The following COL4A1 variants were observed in gnomAD, a reference collection of about 807,000 sequenced individuals.
COL4A1 encodes the protein collagen type IV alpha 1 chain.
Under a neutral mutation model 216.6 loss-of-function variants are expected in COL4A1, and 40 were observed. That is an observed-to-expected ratio of 0.18 (90% confidence interval 0.14 to 0.24). COL4A1 has a LOEUF of 0.24. Among genes scored for constraint, COL4A1 ranks in the 10% least tolerant of loss-of-function variants. The probability of loss-of-function intolerance (pLI) is 1.00; values close to 1 mark genes in which losing one functional copy is unlikely to be tolerated. For missense variants in COL4A1, 1,628 were observed against 2,196.8 expected (o/e 0.74, Z 5.18); for synonymous variants, 839 against 810.7 (o/e 1.03, Z -0.59).
chr13:110,159,152 G>A (rs2138425114), intron 49 of COL4A1, among the ~76,000 whole-genome samples: 1 of 152,260 alleles, frequency 6.6e-6, no homozygotes, highest in Non-Finnish European at 1.5e-5. Flanking sequence ...GAGGCTCCTG[G>A]GGCCTGAAAA....
intron 2 of COL4A1, among the ~76,000 whole-genome samples, chr13:110,232,655 G>T (rs1466964534): frequency 6.6e-6 from 1 of 152,092 alleles, no homozygotes; most frequent in Non-Finnish European, 1.5e-5. Flanking sequence ...TAAATAGTCG[G>T]GACAGAGGCT....
chr13:110,275,524 C>T (rs1187612830), intron 1 of COL4A1, among the ~76,000 whole-genome samples: 2 of 152,196 alleles, frequency 1.3e-5, no homozygotes, highest in African/African-American at 4.8e-5. Flanking sequence ...ACACACCACA[C>T]AATCCAGCAA....
intron 43 of COL4A1, among the ~76,000 whole-genome samples, chr13:110,167,623 TC>T (rs1487240717): frequency 1.3e-5 from 2 of 152,166 alleles, no homozygotes; most frequent in Non-Finnish European, 2.9e-5. Flanking sequence ...CTGAAAACTT[TC>T]CCCTTAATCC....
intron 24 of COL4A1, chr13:110,191,692 G>A (rs771112017): frequency 4.5e-6 from 3 of 668,060 alleles, no homozygotes; most frequent in African/African-American, 3.6e-5. Flanking sequence ...ACTGTAAGAA[G>A]AAGAATAAAA....
chr13:110,159,824 A>T (rs1410614968), intron 49 of COL4A1, among the ~76,000 whole-genome samples: 1 of 152,220 alleles, frequency 6.6e-6, no homozygotes, highest in African/African-American at 2.4e-5. Context: ...CCCTGAGGAC[A>T]TTATGCTGAG....
chr13:110,285,442 T>C (rs1300725252), intron 1 of COL4A1, among the ~76,000 whole-genome samples: 1 of 152,228 alleles, frequency 6.6e-6, no homozygotes, highest in South Asian at 2.1e-4. Context: ...TCTTCTGCAG[T>C]GGAAATACTA....
At chr13:110,251,219 G>T (rs971553170) in intron 1 of COL4A1, among the ~76,000 whole-genome samples, 6 of 152,200 alleles carry the variant, frequency 3.9e-5, no homozygotes, top group African/African-American at 1.4e-4. Flanking sequence ...ATCTTCCATG[G>T]CCTACTCCTT....
rs190238481 is a variant in COL4A1 at position 110,212,403 on chromosome 13, G to A, written c.387+14C>T. 4.9e-5 allele frequency: 79 copies of A among 1,613,070 alleles called. No individual in the cohort carries two copies. In the African/African-American group the frequency reaches 8.0e-4, roughly 16 times the overall value. ...AAACACACACAAAAAGGAGGGTCTC[G>A]GTTCTGGATTTACCTTTGTGCCATT... On this transcript the variant is annotated intron_variant, in intron 6 of 51. Coordinates refer to ENST00000375820, the MANE Select transcript of COL4A1 (RefSeq NM_001845.6).
At chr13:110,291,941 G>A (rs1884106294) in intron 1 of COL4A1, among the ~76,000 whole-genome samples, 3 of 152,194 alleles carry the variant, frequency 2.0e-5, no homozygotes, top group Admixed American at 1.3e-4. Flanking sequence ...CCCTGGAGGG[G>A]CATGGAGAAA....
intron 1 of COL4A1, among the ~76,000 whole-genome samples, chr13:110,271,711 C>G (rs1883251052): frequency 1.3e-5 from 2 of 152,152 alleles, no homozygotes; most frequent in South Asian, 4.1e-4. Flanking sequence ...GAGCCGAGAT[C>G]AGAGAAAGAC....
intron 1 of COL4A1, among the ~76,000 whole-genome samples, chr13:110,294,274 C>A (rs927165667): frequency 7.9e-5 from 12 of 152,220 alleles, no homozygotes; most frequent in African/African-American, 2.4e-4. Context: ...CCCCTTCACA[C>A]AGGGTCCGGC....
intron 1 of COL4A1, among the ~76,000 whole-genome samples, chr13:110,251,393 G>A (rs1882066344): frequency 6.6e-6 from 1 of 152,252 alleles, no homozygotes; most frequent in Admixed American, 6.5e-5. Flanking sequence ...GCCTGTGCCA[G>A]GCACTCCTTC....
intron 1 of COL4A1, 118 bp from the exon 2 acceptor site, chr13:110,242,852 C>A: frequency 9.1e-7 from 1 of 1,099,554 alleles, no homozygotes; most frequent in South Asian, 1.2e-5. Flanking sequence ...CCCTGTCCTT[C>A]GGACACAATC....
In COL4A1 at chr13:110,187,023, T is replaced by C. The variant is rs1566359061; in HGVS notation, c.1728+115A>G. The C allele has an allele frequency of 7.5e-6, 10 of 1,342,090 alleles. No homozygotes were observed. In the South Asian group the frequency reaches 9.7e-5, roughly 13 times the overall value. The allele number at this position is 1,342,090 out of a possible 1,614,324, so 83.1% of individuals were successfully genotyped here. On this transcript the variant is annotated intron_variant, in intron 25 of 51. Coordinates refer to ENST00000375820, the MANE Select transcript of COL4A1 (RefSeq NM_001845.6). ...ACCATGAATCATGAAACAAGTTCAT[T>C]TGTGCCATCATCAAGGAGATAGAAA...
chr13:110,210,791 A>G (rs540103586), intron 8 of COL4A1, among the ~76,000 whole-genome samples: 1 of 152,238 alleles, frequency 6.6e-6, no homozygotes, highest in South Asian at 2.1e-4. Context: ...CATCAGTTGA[A>G]GGTCTTACAG....
intron 28 of COL4A1, 35 bp from the exon 29 acceptor site, chr13:110,181,424 A>T (rs1878147805): frequency 1.3e-6 from 2 of 1,540,266 alleles, no homozygotes; most frequent in African/African-American, 1.4e-5. Flanking sequence ...AAACAAACAA[A>T]CAATCATTGC....
chr13:110,272,378 G>C (rs1883275667), intron 1 of COL4A1, among the ~76,000 whole-genome samples: 3 of 152,214 alleles, frequency 2.0e-5, no homozygotes, highest in Admixed American at 2.0e-4. Flanking sequence ...ACAGTATATA[G>C]TGGACTCAAA....
intron 22 of COL4A1, among the ~76,000 whole-genome samples, chr13:110,193,505 C>A (rs769878767): frequency 2.6e-5 from 4 of 152,232 alleles, no homozygotes; most frequent in Non-Finnish European, 4.4e-5. Flanking sequence ...AGCTCAGAGA[C>A]CTTACATTGT....
chr13:110,162,498 CT>C, intron 47 of COL4A1, 56 bp from the exon 48 acceptor site: 1 of 1,231,504 alleles, frequency 8.1e-7, no homozygotes. Flanking sequence ...CCCCTAAAGG[CT>C]TTCAAAATCA....
Sources: allele counts gnomAD v4.1 joint callset (sites outside exome capture counted in the v4.1 genomes callset), GRCh38; gene constraint gnomAD v4.1.1; transcripts MANE v1.5; gene names NCBI Gene and HGNC (gene_info 2026-07-23, HGNC 2026-07-21).